Variants in TFR2 observed in about 807,000 individuals in gnomAD.
TFR2 encodes the protein transferrin receptor 2.
A neutral mutation model predicts 91.9 loss-of-function variants in TFR2; 64 were observed. That is an observed-to-expected ratio of 0.70 (90% confidence interval 0.57 to 0.86). TFR2 has a LOEUF of 0.86. Among genes scored for constraint, TFR2 ranks in the 40% least tolerant of loss-of-function variants. TFR2 has a pLI of 0.00. For synonymous variants in TFR2, 454 were observed against 459.6 expected (o/e 0.99, Z 0.15); for missense variants, 950 against 1,080.5 (o/e 0.88, Z 1.69).
rs1584458765 is a variant in TFR2, at chr7:100,631,014, C to T, written c.1145G>A (p.Gly382Glu). The T allele has an allele frequency of 1.3e-6, 2 of 1,595,158 alleles. No homozygotes were observed. The highest frequency in any genetic ancestry group is 1.7e-6 in the Non-Finnish European group (2 of 1,172,690). ...GTGATAAGGGGAGCCTAGGAGGCTCCCCTGCCATTCTTGGGGGGCCACAGG... is the reference window on the plus strand; with the variant it reads ...GTGATAAGGGGAGCCTAGGAGGCTCTCCTGCCATTCTTGGGGGGCCACAGG... ...KGPVAPQEWQ[G>E]SLLGSPYHLG... Residue 382 changes from glycine to glutamate, a missense_variant, in exon 9 of 18, where the codon GGG (glycine) becomes GAG (glutamate). Gly to Glu is a moderately conservative substitution (Grantham distance 98, BLOSUM62 -2). Coordinates refer to ENST00000223051, the MANE Select transcript of TFR2 (RefSeq NM_003227.4).
chr7:100,628,185 T>G, intron 11 of TFR2, 39 bp downstream of exon 11: 5 of 1,249,580 alleles, frequency 4.0e-6, no homozygotes, highest in African/African-American at 1.7e-5. Flanking sequence ...CCCCCACCTC[T>G]CCCCAATGCC....
At chr7:100,625,428 G>A (rs1803227845) in intron 17 of TFR2, among the ~76,000 whole-genome samples, 2 of 34,584 alleles carry the variant, frequency 5.8e-5, no homozygotes, top group African/African-American at 7.1e-4. Context: ...ACTTTGAAAG[G>A]TGGGTGTTTT....
chr7:100,631,924 G>C lies in TFR2; in HGVS notation c.988C>G (p.Pro330Ala), dbSNP rs1339535005. ...YGHVHLGTGD[P>A]YTPGFPSFNQ... ...AAGGAAGGGAAGCCAGGTGTGTAGGGGTCTCCAGTTCCCAGGTGCACCTGC... is the reference window on the plus strand; with the variant it reads ...AAGGAAGGGAAGCCAGGTGTGTAGGCGTCTCCAGTTCCCAGGTGCACCTGC... The change falls in exon 8 of 18, where the codon CCC (proline) becomes GCC (alanine). Residue 330 changes from proline (P) to alanine (A), a missense_variant. Transcript: ENST00000223051. 6.2e-7 allele frequency: 1 copy of C among 1,614,024 alleles called. No homozygotes were observed. The highest frequency in any genetic ancestry group is 1.7e-5 in the Admixed American group (1 of 59,990).
chr7:100,633,974 C>A (rs1376144404), intron 3 of TFR2, among the ~76,000 whole-genome samples: 1 of 152,022 alleles, frequency 6.6e-6, no homozygotes, highest in Non-Finnish European at 1.5e-5. Context: ...TCCCAAAGTG[C>A]TGGCATTACA....
Position 100,628,265 on chromosome 7 carries a change from C to T in TFR2, c.1432G>A (p.Gly478Ser), listed in dbSNP as rs756733318. ...GAGCCCACGCTTCCAAAGTCACCAC[C>T]GTCCCAGCTGATGAAGAGGAGACTT... Reference protein sequence around the residue: ...RRSLLFISWDGGDFGSVGSTE... With the variant: ...RRSLLFISWDSGDFGSVGSTE... The change falls in exon 11 of 18, where the codon GGT (glycine) becomes AGT (serine). Residue 478 changes from glycine (G) to serine (S), a missense_variant. By Grantham distance (56) the Gly-to-Ser change is moderately conservative. Transcript: ENST00000223051. 27 of 1,613,858 alleles carry T rather than the reference C, an allele frequency of 1.7e-5. No individual in the cohort carries two copies. Among genetic ancestry groups the T allele is most frequent in the African/African-American group, 1.2e-4 (9 of 74,862 alleles).
Position 100,633,561 on chromosome 7 carries a change from G to T in TFR2, c.474-5C>A. ...CGTTCCCGAAGGCTGGTTTGCCTAAGCGGGGAGAGGTGGGGACTTTTCTGG... is the reference window on the plus strand; with the variant it reads ...CGTTCCCGAAGGCTGGTTTGCCTAATCGGGGAGAGGTGGGGACTTTTCTGG... On this transcript the variant is annotated splice_region_variant and splice_polypyrimidine_tract_variant and intron_variant, in intron 3 of 17. Transcript: ENST00000223051. The T allele has an allele frequency of 6.3e-7, 1 of 1,599,482 alleles. No individual in the cohort carries two copies.
rs552867817 is a variant in TFR2, at chr7:100,631,570, G to A, written c.1106+236C>T. On this transcript the variant is annotated intron_variant, in intron 8 of 17. Coordinates refer to ENST00000223051, the MANE Select transcript of TFR2 (RefSeq NM_003227.4). ...ACCCGGGAGGTGGAGGTTGCAGTGA[G>A]CCAAGATTGCACCACTGCACTCCAG... The A allele has an allele frequency of 3.8e-5, 16 of 425,180 alleles. 1 individual carries two copies. The South Asian group carries it at 4.4e-4, about 12-fold the overall frequency. 26.3% of individuals were successfully genotyped at this position (425,180 alleles called of 1,614,324 possible).
Position 100,631,897 on chromosome 7 carries a change from T to C in TFR2, c.1015A>G (p.Asn339Asp). Residue 339 changes from asparagine (N) to aspartate (D), a missense_variant, in exon 8 of 18, where the codon AAT becomes GAT. Asn to Asp is a conservative substitution (Grantham distance 23). Coordinates refer to ENST00000223051, the MANE Select transcript of TFR2 (RefSeq NM_003227.4). Reference protein sequence around the residue: ...DPYTPGFPSFNQTQFPPVASS... With the variant: ...DPYTPGFPSFDQTQFPPVASS... ...GCAACTGGAGGGAACTGGGTTTGAT[T>C]GAAGGAAGGGAAGCCAGGTGTGTAG... 2 of 1,613,938 alleles carry C rather than the reference T, an allele frequency of 1.2e-6. No individual in the cohort carries two copies. Among genetic ancestry groups the C allele is most frequent in the Non-Finnish European group, 1.7e-6 (2 of 1,179,986 alleles).
At chr7:100,633,698 CTTTTTTTTTTTTTTTTT>C in intron 3 of TFR2, 142 bp from the exon 4 acceptor site, 2 of 214,404 alleles carry the variant, frequency 9.3e-6, no homozygotes, top group South Asian at 5.8e-5. Flanking sequence ...CCCGCGGACG[CTTTTTTTTTTTTTTTTT>C]TTTTTTTTTT....
In TFR2 at chr7:100,633,021, C is replaced by A. The variant is rs754813237; in HGVS notation, c.829G>T (p.Val277Leu). The change falls in exon 6 of 18, where the codon GTG (valine) becomes TTG (leucine). Residue 277 changes from valine to leucine, a missense_variant. By Grantham distance (32) the Val-to-Leu change is conservative (BLOSUM62 1). Coordinates refer to ENST00000223051, the MANE Select transcript of TFR2 (RefSeq NM_003227.4). Reference protein sequence around the residue: ...VGRLLLVRVGVISFAQKVTNA... With the variant: ...VGRLLLVRVGLISFAQKVTNA... The stretch of plus-strand genomic sequence containing the variant: ...CTTACCTTCTGGGCGAAGCTGATCA[C>A]CCCCACGCGCACCAGCAGCAGGCGG... The A allele has an allele frequency of 4.2e-5, 68 of 1,613,684 alleles. No homozygotes were observed. The highest frequency in any genetic ancestry group is 6.7e-5 in the Admixed American group (4 of 60,004).
rs1157089802 is a variant in TFR2, at chr7:100,633,133, C to G, written c.727-10G>C. 1.8e-5 allele frequency: 29 copies of G among 1,613,174 alleles called. No individual in the cohort carries two copies. The highest frequency in any genetic ancestry group is 2.5e-5 in the Non-Finnish European group (29 of 1,179,818). On this transcript the variant is annotated splice_polypyrimidine_tract_variant and intron_variant, in intron 5 of 17. Transcript: ENST00000223051. Reference sequence around the variant, plus strand: ...CGTACACCAGCTCTCCCTGGGGACACGAGGACGGTGAGGCGCGCTCCCCGC... The same window carrying G: ...CGTACACCAGCTCTCCCTGGGGACAGGAGGACGGTGAGGCGCGCTCCCCGC...
intron 3 of TFR2, among the ~76,000 whole-genome samples, chr7:100,638,161 G>A (rs1157754012): frequency 1.3e-5 from 2 of 151,926 alleles, no homozygotes; most frequent in African/African-American, 4.8e-5. Flanking sequence ...CCGCCACCAC[G>A]CCCAGCTAAT....
intron 17 of TFR2, among the ~76,000 whole-genome samples, chr7:100,621,443 G>A (rs1390918224): frequency 2.0e-5 from 3 of 151,602 alleles, no homozygotes; most frequent in South Asian, 2.1e-4. Context: ...GAGTAGAGAC[G>A]GGGTTTCTCC....
At position 100,633,025 on chromosome 7, in the gene TFR2, C is replaced by G. The variant is rs780798756; in HGVS notation, c.825G>C (p.Val275=). 6.2e-7 allele frequency: 1 copy of G among 1,613,822 alleles called. No homozygotes were observed. The highest frequency in any genetic ancestry group is 1.3e-5 in the African/African-American group (1 of 75,058). Residue 275 remains valine (V), a synonymous_variant, in exon 6 of 18, where the codon GTG becomes GTC. Coordinates refer to ENST00000223051, the MANE Select transcript of TFR2 (RefSeq NM_003227.4). ...DPVGRLLLVR[V]GVISFAQKVT... ...CCTTCTGGGCGAAGCTGATCACCCCCACGCGCACCAGCAGCAGGCGGCCCA... is the reference window on the plus strand; with the variant it reads ...CCTTCTGGGCGAAGCTGATCACCCCGACGCGCACCAGCAGCAGGCGGCCCA...
chr7:100,632,759 T>C (rs1364912732), intron 6 of TFR2: 3 of 280,938 alleles, frequency 1.1e-5, no homozygotes, highest in African/African-American at 3.2e-5. Flanking sequence ...TTTTTTTTTT[T>C]AGTAGAGAGG....
Position 100,640,708 on chromosome 7 carries a change from C to A in TFR2, c.451G>T (p.Gly151Trp). 6.2e-7 allele frequency: 1 copy of A among 1,613,364 alleles called. No individual in the cohort carries two copies. Among genetic ancestry groups the A allele is most frequent in the South Asian group, 1.1e-5 (1 of 91,020 alleles). The change falls in exon 3 of 18, where the codon GGG becomes TGG. Residue 151 changes from glycine (G) to tryptophan (W), a missense_variant. Transcript: ENST00000223051. ...TACCTGATGGTGTCCTCCAGGCGCC[C>A]CTCCCCCAGGAACTGCAGGAACATG... ...QAMFLQFLGE[G>W]RLEDTIRQTS...
At chr7:100,631,660 G>T in intron 8 of TFR2, 146 bp downstream of exon 8, 1 of 1,119,296 alleles carries the variant, frequency 8.9e-7, no homozygotes, top group Non-Finnish European at 1.2e-6. Flanking sequence ...CTGTCTCCCA[G>T]GCTGGAGTGC....
intron 5 of TFR2, 33 bp downstream of exon 5, chr7:100,633,196 G>T: frequency 6.2e-7 from 1 of 1,613,270 alleles, no homozygotes; most frequent in East Asian, 2.2e-5. Flanking sequence ...CTCGTGCCGC[G>T]CCCCATCCTA....
chr7:100,629,158 C>T, intron 10 of TFR2, 95 bp downstream of exon 10: 1 of 1,518,416 alleles, frequency 6.6e-7, no homozygotes, highest in Non-Finnish European at 9.1e-7. Context: ...GACCACTGGC[C>T]AGTCTGTGTC....
Sources: gnomAD v4.1 joint callset for allele counts (sites outside exome capture counted in the v4.1 genomes callset) on GRCh38, gnomAD v4.1.1 for gene constraint, MANE v1.5 for transcripts, NCBI Gene and HGNC (gene_info 2026-07-23, HGNC 2026-07-21) for gene names.